The following USH2A variants were observed in gnomAD, a reference collection of about 807,000 sequenced individuals.
USH2A encodes the protein Usher syndrome 2A (autosomal recessive, mild).
USH2A carries 443 observed loss-of-function variants against 538.9 expected under a neutral mutation model. The ratio of observed to expected loss-of-function variants is 0.82; its 90% CI spans 0.76 to 0.89. USH2A has a LOEUF of 0.89. Ranked by LOEUF, USH2A falls within the 40% of genes least tolerant of loss-of-function variation. USH2A has a pLI of 0.00. For synonymous variants in USH2A, 2,413 were observed against 2,273.5 expected (o/e 1.06, Z -1.75); for missense variants, 6,633 against 6,324.8 (o/e 1.05, Z -1.65).
chr1:215,671,462 A>G (rs1354577238), intron 63 of USH2A, among the ~76,000 whole-genome samples, 169 bp from the exon 64 acceptor site: 1 of 152,126 alleles, frequency 6.6e-6, no homozygotes, highest in Non-Finnish European at 1.5e-5. Flanking sequence ...TGGGAGGCAG[A>G]GCTTGCAGTG....
intron 11 of USH2A, among the ~76,000 whole-genome samples, chr1:216,277,947 A>C (rs1288685239): frequency 6.6e-6 from 1 of 152,114 alleles, no homozygotes; most frequent in Non-Finnish European, 1.5e-5. Context: ...TTATATGAGC[A>C]ACAAATGAGC....
In USH2A at chr1:215,900,828, G is replaced by A. The variant is rs866943133; in HGVS notation, c.7378C>T (p.Arg2460Cys). 10 of 1,613,698 alleles carry A rather than the reference G, an allele frequency of 6.2e-6. No individual in the cohort carries two copies. The highest frequency in any genetic ancestry group is 1.1e-5 in the South Asian group (1 of 91,086). The change falls in exon 39 of 72, where the codon CGT becomes TGT. Residue 2460 changes from arginine to cysteine, a missense_variant. Coordinates refer to ENST00000307340, the MANE Select transcript of USH2A (RefSeq NM_206933.4). ...SLQVVWSTPA[R>C]NNAPGSPRYQ... ...CTGGGAGAGCCAGGAGCGTTATTAC[G>A]AGCTGGTGTAGACCAGACAACCTGA... is the stretch of plus-strand genomic sequence containing the variant.
At chr1:216,126,136 G>T (rs963945437) in intron 21 of USH2A, among the ~76,000 whole-genome samples, 2 of 152,172 alleles carry the variant, frequency 1.3e-5, no homozygotes, top group Admixed American at 6.5e-5. Context: ...GGTCTCACAT[G>T]GAAGAGAGTG....
chr1:215,668,561 A>T (rs1486709136), intron 64 of USH2A, among the ~76,000 whole-genome samples: 1 of 152,210 alleles, frequency 6.6e-6, no homozygotes, highest in Admixed American at 6.5e-5. Context: ...ATGAGTATGG[A>T]GGAGGAGTGT....
chr1:216,141,585 G>A (rs548879296), intron 21 of USH2A, among the ~76,000 whole-genome samples: 1 of 152,242 alleles, frequency 6.6e-6, no homozygotes, highest in East Asian at 1.9e-4. Flanking sequence ...GTAACATTTT[G>A]GCATCAGCTA....
intron 61 of USH2A, among the ~76,000 whole-genome samples, chr1:215,714,953 T>C (rs1659442199): frequency 6.6e-6 from 1 of 152,230 alleles, no homozygotes; most frequent in South Asian, 2.1e-4. Context: ...CTTAATATCA[T>C]GCCCCAAATA....
chr1:215,900,662 A>G (rs1665469017), intron 39 of USH2A, 93 bp downstream of exon 39: 3 of 1,541,996 alleles, frequency 1.9e-6, no homozygotes, highest in Admixed American at 3.4e-5. Context: ...GGTAACCTAT[A>G]TTTTTTGCAA....
chr1:216,207,045 T>C (rs935627083), intron 16 of USH2A, among the ~76,000 whole-genome samples: 2 of 152,140 alleles, frequency 1.3e-5, no homozygotes, highest in Non-Finnish European at 2.9e-5. Flanking sequence ...GGGTCATTTT[T>C]TTTTCATCTT....
intron 61 of USH2A, among the ~76,000 whole-genome samples, chr1:215,701,990 A>G (rs577727224): frequency 4.4e-4 from 67 of 152,272 alleles, no homozygotes; most frequent in Non-Finnish European, 7.5e-4. Context: ...CTTCCTTCAG[A>G]AGCTCTTGTA....
chr1:216,157,722 C>T (rs2033977696), intron 21 of USH2A, among the ~76,000 whole-genome samples: 1 of 152,056 alleles, frequency 6.6e-6, no homozygotes, highest in Non-Finnish European at 1.5e-5. Flanking sequence ...GGAACAATAA[C>T]CAAATACTAC....
intron 55 of USH2A, among the ~76,000 whole-genome samples, chr1:215,768,764 T>G (rs1186175976): frequency 6.6e-6 from 1 of 152,142 alleles, no homozygotes; most frequent in Non-Finnish European, 1.5e-5. Flanking sequence ...TCATTCTCTT[T>G]ACCGACAAAA....
intron 4 of USH2A, among the ~76,000 whole-genome samples, chr1:216,350,822 T>C (rs1202072219): frequency 6.6e-6 from 1 of 152,080 alleles, no homozygotes; most frequent in Non-Finnish European, 1.5e-5. Flanking sequence ...TTCTCACAGT[T>C]CCACAAGGCA....
intron 3 of USH2A, among the ~76,000 whole-genome samples, chr1:216,413,994 C>A (rs2039535793): frequency 6.6e-6 from 1 of 152,024 alleles, no homozygotes; most frequent in Admixed American, 6.6e-5. Context: ...TACTTATTTC[C>A]ATATTGTTTT....
chr1:216,098,863 A>G (rs1420593013), intron 21 of USH2A, among the ~76,000 whole-genome samples: 1 of 152,180 alleles, frequency 6.6e-6, no homozygotes, highest in Non-Finnish European at 1.5e-5. Flanking sequence ...TTTTTAGAGA[A>G]TATGAAGGAT....
At position 216,386,541 on chromosome 1, in the gene USH2A, C is replaced by CTATA. The variant is rs66638535; in HGVS notation, c.652-21460_652-21457dup. On this transcript the variant is annotated intron_variant, in intron 3 of 71. Transcript: ENST00000307340. ...CAAACAAAAAACAAAAACCAAAAAACTATATATATATATATATATATATAT... is the reference window on the plus strand; with the variant it reads ...CAAACAAAAAACAAAAACCAAAAAACTATATATATATATATATATATATATATAT... Among the ~76,000 whole-genome samples the CTATA allele has an allele frequency of 2.0e-3, 264 of 133,092 alleles. 2 individuals carry two copies. The highest frequency in any genetic ancestry group is 7.9e-3 in the Middle Eastern group (2 of 254). The allele number at this position is 133,092 out of a possible 152,430, so 87.3% of individuals were successfully genotyped here. A position where few individuals can be genotyped will look rare whatever the true frequency, so the allele number is the denominator to read the frequency against.
chr1:215,952,266 A>G (rs979664509), intron 37 of USH2A, among the ~76,000 whole-genome samples: 3 of 152,172 alleles, frequency 2.0e-5, no homozygotes, highest in African/African-American at 7.2e-5. Context: ...TTTTGAGCCT[A>G]TGTGTGTCTC....
At chr1:216,121,292 TA>T (rs1427021316) in intron 21 of USH2A, among the ~76,000 whole-genome samples, 1 of 152,172 alleles carries the variant, frequency 6.6e-6, no homozygotes, top group African/African-American at 2.4e-5. Flanking sequence ...TTTCCTTCAG[TA>T]ATGATAAATT....
In USH2A at chr1:215,639,206, C is replaced by T. The variant is rs750887508; in HGVS notation, c.15001G>A (p.Glu5001Lys). ...FFFQVICTTD[E>K]GSVKTPLIQY... ...ATCAACGGCGTCTTAACACTTCCTT[C>T]GTCAGTCGTGCAGATGACCTGGAAA... The change falls in exon 69 of 72, where the codon GAA becomes AAA. Residue 5001 changes from glutamate (E) to lysine (K), a missense_variant. Coordinates refer to ENST00000307340, the MANE Select transcript of USH2A (RefSeq NM_206933.4). 1.9e-5 allele frequency: 30 copies of T among 1,614,082 alleles called. No homozygotes were observed. Among genetic ancestry groups the T allele is most frequent in the East Asian group, 1.1e-4 (5 of 44,872 alleles).
intron 21 of USH2A, among the ~76,000 whole-genome samples, chr1:216,134,211 A>AT (rs1317342860): frequency 6.6e-6 from 1 of 152,158 alleles, no homozygotes; most frequent in Non-Finnish European, 1.5e-5. Flanking sequence ...GAAAGCATAT[A>AT]GAACATAAAA....
Sources: gnomAD v4.1 joint callset for allele counts (sites outside exome capture counted in the v4.1 genomes callset) on GRCh38, gnomAD v4.1.1 for gene constraint, MANE v1.5 for transcripts, NCBI Gene and HGNC (gene_info 2026-07-23, HGNC 2026-07-21) for gene names.